Variants in PTPN12 observed in about 807,000 individuals in gnomAD.
PTPN12 encodes the protein protein tyrosine phosphatase non-receptor type 12.
In PTPN12, 29 loss-of-function variants were observed where a neutral mutation model predicts 97.6. The ratio of observed to expected loss-of-function variants is 0.30; its 90% confidence interval spans 0.22 to 0.41. The LOEUF (loss-of-function observed/expected upper bound fraction) is 0.41. Among genes scored for constraint, PTPN12 ranks in the 10% least tolerant of loss-of-function variants. The pLI, the probability that PTPN12 is intolerant of heterozygous loss-of-function variation, is 1.00. For missense variants in PTPN12, 819 were observed against 926.0 expected, an observed-to-expected ratio of 0.88 and a Z score of 1.50; for synonymous variants, 327 against 300.4, an observed-to-expected ratio of 1.09 and a Z score of -0.91.
intron 1 of PTPN12, among the ~76,000 whole-genome samples, chr7:77,559,105 G>T (rs1562711326): frequency 6.6e-6 from 1 of 152,202 alleles, no homozygotes; most frequent in Non-Finnish European, 1.5e-5. Flanking sequence ...TAGGCAGAGT[G>T]CCTGTGTAAC....
At chr7:77,603,906 T>TGA (rs1554320900) in intron 8 of PTPN12, among the ~76,000 whole-genome samples, 2 of 144,880 alleles carry the variant, frequency 1.4e-5, no homozygotes, top group East Asian at 3.9e-4. Context: ...TTTTTTTTTT[T>TGA]GAGACAGAGT....
chr7:77,620,115 T>C (rs1788882445), intron 12 of PTPN12, among the ~76,000 whole-genome samples: 1 of 152,212 alleles, frequency 6.6e-6, no homozygotes, highest in Admixed American at 6.5e-5. Context: ...TGTTTTAATT[T>C]GGTTTTTGAG....
At chr7:77,635,606 G>A (rs1420986809) in intron 14 of PTPN12, among the ~76,000 whole-genome samples, 176 bp from the exon 15 acceptor site, 1 of 151,396 alleles carries the variant, frequency 6.6e-6, no homozygotes, top group Non-Finnish European at 1.5e-5. Flanking sequence ...CGAATTAATA[G>A]AAACTACAAT....
At chr7:77,635,289 C>T (rs758304513) in intron 14 of PTPN12, among the ~76,000 whole-genome samples, 5 of 152,110 alleles carry the variant, frequency 3.3e-5, no homozygotes, top group Non-Finnish European at 7.3e-5. Flanking sequence ...ATTAGCCAGG[C>T]GAGGTGGCAT....
At chr7:77,573,836 CTA>C (rs1787244858) in intron 2 of PTPN12, among the ~76,000 whole-genome samples, 2 of 152,216 alleles carry the variant, frequency 1.3e-5, no homozygotes, top group African/African-American at 4.8e-5. Context: ...TCTCCGCACA[CTA>C]TAACCTCTGC....
Position 77,638,614 on chromosome 7 carries a change from T to G in PTPN12, c.2174-10T>G. 1 of 1,571,724 alleles carries G rather than the reference T, an allele frequency of 6.4e-7. No individual in the cohort carries two copies. ...ATGGTGATTAACAAAGGCTTTGTGTTGCTACTTAGATCATCCAGCGGGAGG... is the reference window on the plus strand; with the variant it reads ...ATGGTGATTAACAAAGGCTTTGTGTGGCTACTTAGATCATCCAGCGGGAGG... On this transcript the variant is annotated splice_polypyrimidine_tract_variant and intron_variant, in intron 16 of 17. Coordinates refer to ENST00000248594, the MANE Select transcript of PTPN12 (RefSeq NM_002835.4).
intron 1 of PTPN12, among the ~76,000 whole-genome samples, chr7:77,567,581 A>G (rs1009930633): frequency 1.3e-5 from 2 of 152,190 alleles, no homozygotes; most frequent in Non-Finnish European, 2.9e-5. Context: ...TTATCAGGCA[A>G]TTACCACCTC....
intron 12 of PTPN12, among the ~76,000 whole-genome samples, chr7:77,625,472 G>GCGCTCTCTCTCTCTCTCTCTCTCTCTCT (rs1554326597): frequency 3.0e-5 from 1 of 33,522 alleles, no homozygotes; most frequent in Non-Finnish European, 5.0e-5. Context: ...CAGGCTGCTC[G>GCGCTCTCTCTCTCTCTCTCTCTCTCTCT]CTCTCTCTCT....
intron 1 of PTPN12, among the ~76,000 whole-genome samples, chr7:77,560,636 T>G (rs548974692): frequency 2.6e-5 from 4 of 152,350 alleles, no homozygotes; most frequent in Admixed American, 6.5e-5. Flanking sequence ...CCTCATATAA[T>G]TAGGATTATA....
intron 6 of PTPN12, among the ~76,000 whole-genome samples, chr7:77,592,617 C>G (rs1787903252): frequency 6.6e-6 from 1 of 152,076 alleles, no homozygotes; most frequent in South Asian, 2.1e-4. Context: ...TACAGTGTAT[C>G]ATATTAACCC....
intron 2 of PTPN12, among the ~76,000 whole-genome samples, chr7:77,576,482 T>C (rs1465468486): frequency 6.6e-6 from 1 of 152,048 alleles, no homozygotes; most frequent in South Asian, 2.1e-4. Context: ...GGCAGATCAC[T>C]TGAGATCAGA....
At chr7:77,539,629 GT>G (rs745735625) in intron 1 of PTPN12, among the ~76,000 whole-genome samples, 14 of 148,676 alleles carry the variant, frequency 9.4e-5, no homozygotes, top group Admixed American at 4.0e-4. Context: ...TGGTTGGTTG[GT>G]TTTTTTTTTG....
chr7:77,538,999 A>G (rs554052395), intron 1 of PTPN12, among the ~76,000 whole-genome samples: 1 of 152,316 alleles, frequency 6.6e-6, no homozygotes, highest in African/African-American at 2.4e-5. Flanking sequence ...AAATCTGATT[A>G]TGAGAAGGAT....
chr7:77,573,583 C>T (rs1787236024), intron 2 of PTPN12, among the ~76,000 whole-genome samples: 3 of 152,200 alleles, frequency 2.0e-5, no homozygotes, highest in African/African-American at 7.2e-5. Flanking sequence ...GACCATAGCA[C>T]CAGTCTGCCT....
At chr7:77,569,248 G>C (rs1808376649) in intron 1 of PTPN12, among the ~76,000 whole-genome samples, 1 of 152,056 alleles carries the variant, frequency 6.6e-6, no homozygotes, top group Non-Finnish European at 1.5e-5. Flanking sequence ...AACACCAGTA[G>C]TAATATATTA....
In PTPN12 at chr7:77,639,522, T is replaced by C; in HGVS notation, c.*242T>C. 2.2e-6 allele frequency: 1 copy of C among 445,668 alleles called. No homozygotes were observed. The highest frequency in any genetic ancestry group is 3.4e-5 in the East Asian group (1 of 29,586). The allele number at this position is 445,668 out of a possible 1,614,324, so 27.6% of individuals were successfully genotyped here. A position where few individuals can be genotyped will look rare whatever the true frequency, so the allele number is the denominator to read the frequency against. ...GTCTCTTAACCCTGTTACACGCTGC[T>C]TGTAGACATGTTAATATAGTAATAC... is the stretch of plus-strand genomic sequence containing the variant. On this transcript the variant is annotated 3_prime_UTR_variant, in exon 18 of 18. Coordinates refer to ENST00000248594, the MANE Select transcript of PTPN12 (RefSeq NM_002835.4).
At chr7:77,579,890 A>G (rs993566481) in intron 2 of PTPN12, among the ~76,000 whole-genome samples, 2 of 152,224 alleles carry the variant, frequency 1.3e-5, no homozygotes, top group African/African-American at 4.8e-5. Flanking sequence ...TTAAAACAAG[A>G]TATTTTTACT....
chr7:77,579,377 G>A (rs1179519685), intron 2 of PTPN12, among the ~76,000 whole-genome samples: 2 of 152,098 alleles, frequency 1.3e-5, no homozygotes, highest in Non-Finnish European at 2.9e-5. Context: ...CGCCCACCTT[G>A]GCCTCCCAAA....
At chr7:77,566,047 G>A (rs1000481219) in intron 1 of PTPN12, among the ~76,000 whole-genome samples, 4 of 152,184 alleles carry the variant, frequency 2.6e-5, no homozygotes, top group Non-Finnish European at 5.9e-5. Flanking sequence ...GAAGGCTGAG[G>A]AGCAGTAAAG....
Sources: gnomAD v4.1 joint callset for allele counts (sites outside exome capture counted in the v4.1 genomes callset) on GRCh38, gnomAD v4.1.1 for gene constraint, MANE v1.5 for transcripts, NCBI Gene and HGNC (gene_info 2026-07-23, HGNC 2026-07-21) for gene names.